The following APLF variants were observed in gnomAD, a reference collection of about 807,000 sequenced individuals.
APLF encodes aprataxin and PNKP like factor.
A neutral mutation model predicts 55.6 loss-of-function variants in APLF; 61 were observed. That is an observed-to-expected ratio of 1.10 (90% confidence interval 0.89 to 1.36). APLF has a LOEUF of 1.36. Ranked by LOEUF, APLF falls within the 40% of genes most tolerant of loss-of-function variation. The pLI, the probability that APLF is intolerant of heterozygous loss-of-function variation, is 0.00. For missense variants in APLF, 611 were observed against 602.5 expected (o/e 1.01, Z -0.15); for synonymous variants, 207 against 214.8 (o/e 0.96, Z 0.32).
intron 2 of APLF, among the ~76,000 whole-genome samples, chr2:68,493,183 A>G (rs889450416): frequency 7.9e-5 from 12 of 152,332 alleles, no homozygotes; most frequent in South Asian, 6.2e-4. Context: ...TAGTGCCTTC[A>G]GTTGAATAAT....
rs1478681030 is a variant in APLF at position 68,578,561 on chromosome 2, G to T, written c.*539G>T. On this transcript the variant is annotated 3_prime_UTR_variant, in exon 10 of 10. Coordinates refer to ENST00000303795, the MANE Select transcript of APLF (RefSeq NM_173545.3). ...ACTACTTTTATCCTTCAAAACTTGG[G>T]AAGATTGGTTCCAAATGGGTACTGA... is the stretch of plus-strand genomic sequence containing the variant. 3 of 985,500 alleles carry T rather than the reference G, an allele frequency of 3.0e-6. No homozygotes were observed. The highest frequency in any genetic ancestry group is 3.6e-6 in the Non-Finnish European group (3 of 830,160). 61.0% of individuals were successfully genotyped at this position (985,500 alleles called of 1,614,324 possible). A position where few individuals can be genotyped will look rare whatever the true frequency, so the allele number is the denominator to read the frequency against.
At chr2:68,522,477 T>C (rs1395966913) in intron 5 of APLF, among the ~76,000 whole-genome samples, 3 of 151,936 alleles carry the variant, frequency 2.0e-5, no homozygotes, top group Non-Finnish European at 4.4e-5. Flanking sequence ...TTATGGTTAG[T>C]CCGTATTTTT....
At chr2:68,576,191 A>C (rs551577337) in intron 9 of APLF, among the ~76,000 whole-genome samples, 1 of 152,296 alleles carries the variant, frequency 6.6e-6, no homozygotes, top group South Asian at 2.1e-4. Context: ...TCTTAGAAAA[A>C]AAAGTTATGT....
chr2:68,511,040 A>G (rs993937796), intron 3 of APLF, among the ~76,000 whole-genome samples: 4 of 151,812 alleles, frequency 2.6e-5, no homozygotes, highest in Non-Finnish European at 4.4e-5. Flanking sequence ...AGAGATTGCT[A>G]ATGCATATGG....
chr2:68,557,176 G>A (rs1421125633), intron 8 of APLF, among the ~76,000 whole-genome samples: 1 of 152,086 alleles, frequency 6.6e-6, no homozygotes, highest in Non-Finnish European at 1.5e-5. Flanking sequence ...TATAGTATTT[G>A]CATATATCCT....
intron 6 of APLF, among the ~76,000 whole-genome samples, chr2:68,534,557 C>T (rs1037110060): frequency 1.3e-5 from 2 of 152,064 alleles, no homozygotes; most frequent in Admixed American, 6.6e-5. Flanking sequence ...ATTTTAATAG[C>T]CTTAATAATA....
chr2:68,513,421 G>A, intron 4 of APLF, 127 bp from the exon 5 acceptor site: 7 of 1,283,290 alleles, frequency 5.5e-6, no homozygotes, highest in Non-Finnish European at 6.5e-6. Flanking sequence ...CTTTGTTCAA[G>A]AAATTTTATG....
intron 3 of APLF, among the ~76,000 whole-genome samples, chr2:68,506,710 A>G (rs1047099268): frequency 3.3e-5 from 5 of 151,958 alleles, no homozygotes; most frequent in African/African-American, 1.2e-4. Context: ...TGCTCTTACT[A>G]ACTACCCTCT....
chr2:68,560,191 TTATAAA>T (rs1403903526), intron 8 of APLF, among the ~76,000 whole-genome samples: 8 of 152,128 alleles, frequency 5.3e-5, no homozygotes, highest in African/African-American at 1.9e-4. Flanking sequence ...CTTCCTGAAA[TTATAAA>T]TATATATTTG....
chr2:68,552,530 A>C (rs1008737883), intron 8 of APLF, among the ~76,000 whole-genome samples: 2 of 152,080 alleles, frequency 1.3e-5, no homozygotes, highest in African/African-American at 4.8e-5. Context: ...CATTGCTCTC[A>C]CAATTCTGTC....
At chr2:68,502,321 CT>C (rs1676746831) in intron 2 of APLF, among the ~76,000 whole-genome samples, 1 of 152,076 alleles carries the variant, frequency 6.6e-6, no homozygotes, top group East Asian at 1.9e-4. Flanking sequence ...GGTAAAGAAA[CT>C]AGCCATTGTC....
intron 1 of APLF, among the ~76,000 whole-genome samples, chr2:68,471,873 C>T (rs1472900297): frequency 2.0e-5 from 3 of 152,228 alleles, no homozygotes; most frequent in Admixed American, 2.0e-4. Flanking sequence ...CGTGACACAG[C>T]CCTCAGGAGG....
chr2:68,574,894 A>G (rs571522980), intron 9 of APLF, among the ~76,000 whole-genome samples: 1 of 152,328 alleles, frequency 6.6e-6, no homozygotes, highest in Middle Eastern at 3.4e-3. Flanking sequence ...GATGTTCAGT[A>G]GTTGATTTGC....
chr2:68,552,757 G>A (rs1332365663), intron 8 of APLF, among the ~76,000 whole-genome samples: 2 of 152,012 alleles, frequency 1.3e-5, no homozygotes, highest in Admixed American at 1.3e-4. Flanking sequence ...TCAGAGAAGG[G>A]GCTAGTCAAG....
intron 6 of APLF, among the ~76,000 whole-genome samples, chr2:68,536,820 A>G (rs926875050): frequency 6.6e-6 from 1 of 152,188 alleles, no homozygotes; most frequent in Non-Finnish European, 1.5e-5. Context: ...CAGCTATGGT[A>G]AAATCATGAT....
chr2:68,537,644 A>T (rs994194710), intron 6 of APLF, among the ~76,000 whole-genome samples: 1 of 152,190 alleles, frequency 6.6e-6, no homozygotes, highest in Admixed American at 6.5e-5. Context: ...TGTTGGGATT[A>T]CAGGCCTGAG....
In APLF at chr2:68,488,133, A is replaced by G. The variant is rs1055362086; in HGVS notation, c.97-2057A>G. Among the ~76,000 whole-genome samples the G allele has an allele frequency of 9.2e-5, 14 of 152,142 alleles. 1 individual carries two copies. The highest frequency in any genetic ancestry group is 3.1e-4 in the African/African-American group (13 of 41,406). On this transcript the variant is annotated intron_variant, in intron 1 of 9. Transcript: ENST00000303795. ...ATGGACTGTTAAAGGAACCAGCTTT[A>G]TATGCCATAGTTTTATATTTGATAG... is the stretch of plus-strand genomic sequence containing the variant.
At chr2:68,554,857 C>T (rs1558552141) in intron 8 of APLF, among the ~76,000 whole-genome samples, 1 of 151,882 alleles carries the variant, frequency 6.6e-6, no homozygotes, top group Non-Finnish European at 1.5e-5. Flanking sequence ...TAAAACAAGA[C>T]TAAGCAAAAA....
intron 1 of APLF, among the ~76,000 whole-genome samples, chr2:68,485,040 G>A (rs934904705): frequency 1.1e-4 from 17 of 151,970 alleles, no homozygotes; most frequent in African/African-American, 2.9e-4. Context: ...CATTATGGCA[G>A]TTCACTAAAT....
Sources: gnomAD v4.1 joint callset for allele counts (sites outside exome capture counted in the v4.1 genomes callset) on GRCh38, gnomAD v4.1.1 for gene constraint, MANE v1.5 for transcripts, NCBI Gene and HGNC (gene_info 2026-07-23, HGNC 2026-07-21) for gene names.